TCF12: variants seen among roughly 807,000 people sequenced by gnomAD.
TCF12 encodes transcription factor 12.
Under a neutral mutation model 86.0 loss-of-function variants are expected in TCF12, and 45 were observed. That is an observed-to-expected ratio of 0.52 (90% CI 0.41 to 0.67). The LOEUF (loss-of-function observed/expected upper bound fraction) is 0.67, where lower values mean the gene tolerates loss of function less well. Ranked by LOEUF, TCF12 falls within the 30% of genes least tolerant of loss-of-function variation. The pLI is 0.00. For synonymous variants in TCF12, 330 were observed against 299.6 expected (o/e 1.10, Z -1.05); for missense variants, 881 against 859.9 (o/e 1.02, Z -0.31).
At chr15:57,052,560 C>T (rs1294851059) in intron 3 of TCF12, among the ~76,000 whole-genome samples, 1 of 150,834 alleles carries the variant, frequency 6.6e-6, no homozygotes, top group Non-Finnish European at 1.5e-5. Flanking sequence ...TCACTTGAAC[C>T]TGGGAGGCAG....
intron 6 of TCF12, among the ~76,000 whole-genome samples, chr15:57,167,705 A>G (rs894798861): frequency 1.3e-5 from 2 of 152,176 alleles, no homozygotes; most frequent in Non-Finnish European, 1.5e-5. Flanking sequence ...TGGTCTGAAT[A>G]AGTGATTTGT....
chr15:57,089,187 A>G (rs1412889520), intron 4 of TCF12, among the ~76,000 whole-genome samples: 9 of 152,238 alleles, frequency 5.9e-5, no homozygotes, highest in African/African-American at 1.4e-4. Flanking sequence ...TCTCTTGGAC[A>G]GTGGCTTTTA....
chr15:57,230,503 A>G (rs568825071), intron 8 of TCF12, among the ~76,000 whole-genome samples: 1 of 152,186 alleles, frequency 6.6e-6, no homozygotes, highest in Admixed American at 6.5e-5. Context: ...TTGCTTATCT[A>G]AAGCAAGGGT....
intron 5 of TCF12, among the ~76,000 whole-genome samples, chr15:57,113,345 A>G (rs985401540): frequency 6.6e-6 from 1 of 152,188 alleles, no homozygotes; most frequent in Non-Finnish European, 1.5e-5. Context: ...GCTGAGCAGC[A>G]TACCTTAGTA....
chr15:57,005,579 T>A (rs1213246812), intron 3 of TCF12, among the ~76,000 whole-genome samples: 2 of 152,194 alleles, frequency 1.3e-5, no homozygotes, highest in Non-Finnish European at 2.9e-5. Flanking sequence ...GTTTTTGTTT[T>A]TATTTGTAGA....
At chr15:57,229,032 C>G (rs1320647656) in intron 8 of TCF12, among the ~76,000 whole-genome samples, 3 of 151,888 alleles carry the variant, frequency 2.0e-5, no homozygotes, top group Non-Finnish European at 4.4e-5. Flanking sequence ...TGTTCGGGTG[C>G]TGTCTTCTAA....
chr15:57,282,846 T>A (rs1291618122), intron 20 of TCF12, among the ~76,000 whole-genome samples: 1 of 152,208 alleles, frequency 6.6e-6, no homozygotes, highest in Non-Finnish European at 1.5e-5. Context: ...CTGTTCGGAG[T>A]CATCATGTGT....
intron 3 of TCF12, among the ~76,000 whole-genome samples, chr15:56,928,633 A>G (rs527773929): frequency 7.2e-5 from 11 of 152,120 alleles, no homozygotes; most frequent in Non-Finnish European, 1.3e-4. Flanking sequence ...TTTCTTTTTT[A>G]GTTGATTTAT....
At chr15:57,099,468 C>A (rs1303502756) in intron 5 of TCF12, among the ~76,000 whole-genome samples, 2 of 151,578 alleles carry the variant, frequency 1.3e-5, no homozygotes, top group Non-Finnish European at 2.9e-5. Flanking sequence ...AAAAATATTT[C>A]AAAAATTAAA....
chr15:57,109,468 G>T (rs1490506966), intron 5 of TCF12, among the ~76,000 whole-genome samples: 1 of 152,132 alleles, frequency 6.6e-6, no homozygotes, highest in African/African-American at 2.4e-5. Context: ...GGCATTTAAA[G>T]AATTTTGAAA....
chr15:56,929,795 G>A (rs2060167148), intron 3 of TCF12, among the ~76,000 whole-genome samples: 1 of 151,950 alleles, frequency 6.6e-6, no homozygotes, highest in Admixed American at 6.6e-5. Flanking sequence ...CTGTATTTTG[G>A]TTATTAAAAT....
At chr15:57,165,040 A>G (rs535173063) in intron 5 of TCF12, among the ~76,000 whole-genome samples, 1 of 152,182 alleles carries the variant, frequency 6.6e-6, no homozygotes, top group East Asian at 1.9e-4. Context: ...GACTTCTGAG[A>G]ATAATAAGGC....
At chr15:57,097,010 A>G (rs1303486852) in intron 5 of TCF12, among the ~76,000 whole-genome samples, 16 of 152,042 alleles carry the variant, frequency 1.1e-4, no homozygotes, top group Non-Finnish European at 1.2e-4. Flanking sequence ...TTTTATTTCC[A>G]TTTCATTGTA....
intron 8 of TCF12, among the ~76,000 whole-genome samples, chr15:57,200,885 G>C (rs1337055551): frequency 6.6e-6 from 1 of 152,140 alleles, no homozygotes; most frequent in African/African-American, 2.4e-5. Flanking sequence ...AACATTAAGT[G>C]AATGGTTCAC....
At chr15:57,164,722 C>T (rs1196706189) in intron 5 of TCF12, among the ~76,000 whole-genome samples, 9 of 152,000 alleles carry the variant, frequency 5.9e-5, no homozygotes, top group Non-Finnish European at 1.5e-5. Flanking sequence ...ACCCTGTCAC[C>T]CAGGCTGGAG....
At chr15:57,276,156 A>G (rs1056538673) in intron 19 of TCF12, among the ~76,000 whole-genome samples, 1 of 152,208 alleles carries the variant, frequency 6.6e-6, no homozygotes, top group Non-Finnish European at 1.5e-5. Context: ...TGATGAGAGA[A>G]CTATTAGATT....
intron 12 of TCF12, among the ~76,000 whole-genome samples, chr15:57,238,619 T>C (rs1269766349): frequency 1.3e-5 from 2 of 152,234 alleles, no homozygotes; most frequent in African/African-American, 2.4e-5. Flanking sequence ...AATACCAAGA[T>C]AAATACTACC....
intron 5 of TCF12, among the ~76,000 whole-genome samples, chr15:57,141,061 C>A (rs1241885367): frequency 6.6e-6 from 1 of 152,154 alleles, no homozygotes; most frequent in African/African-American, 2.4e-5. Context: ...ACTTTGGTCC[C>A]AGATGTGTTT....
intron 6 of TCF12, among the ~76,000 whole-genome samples, chr15:57,172,806 T>C (rs1264521441): frequency 2.0e-5 from 3 of 152,066 alleles, no homozygotes; most frequent in Non-Finnish European, 4.4e-5. Context: ...AAAGTTGTAT[T>C]AGAAGTCAGT....
Sources: allele counts gnomAD v4.1 joint callset (sites outside exome capture counted in the v4.1 genomes callset), GRCh38; gene constraint gnomAD v4.1.1; transcripts MANE v1.5; gene names NCBI Gene and HGNC (gene_info 2026-07-23, HGNC 2026-07-21).